Variants in ARNT observed in about 807,000 individuals in gnomAD.
ARNT encodes aryl hydrocarbon receptor nuclear translocator, also known as class E basic helix-loop-helix protein 2.
In ARNT, 30 loss-of-function variants were observed where a neutral mutation model predicts 105.0. The ratio of observed to expected loss-of-function variants is 0.29; its 90% CI spans 0.21 to 0.39. The LOEUF (loss-of-function observed/expected upper bound fraction) is 0.39. ARNT is among the 10% of genes least tolerant of loss of function. The probability of loss-of-function intolerance (pLI) is 1.00; values close to 1 mark genes in which losing one functional copy is unlikely to be tolerated. For synonymous variants in ARNT, 304 were observed against 344.0 expected (o/e 0.88, Z 1.29); for missense variants, 748 against 978.7 (o/e 0.76, Z 3.15).
chr1:150,830,063 T>C (rs1305055542), intron 10 of ARNT, 83 bp from the exon 11 acceptor site: 8 of 1,488,906 alleles, frequency 5.4e-6, no homozygotes, highest in Non-Finnish European at 7.4e-6. Context: ...AGATTCAAAA[T>C]AGACCTATTT....
Position 150,814,242 on chromosome 1 carries a change from A to G in ARNT, c.1951-3T>C, listed in dbSNP as rs587687377. 3 of 1,613,926 alleles carry G rather than the reference A, an allele frequency of 1.9e-6. No homozygotes were observed. In the South Asian group the frequency reaches 3.3e-5, roughly 18 times the overall value. On this transcript the variant is annotated splice_region_variant and splice_polypyrimidine_tract_variant and intron_variant, in intron 19 of 21. Transcript: ENST00000358595. ...GCAGTAGCCTGGGTAGCCACCTGCT[A>G]AAGAGAGATGGAGAGGGGATATAGA...
At chr1:150,844,037 G>A (rs1355509376) in intron 4 of ARNT, among the ~76,000 whole-genome samples, 1 of 152,104 alleles carries the variant, frequency 6.6e-6, no homozygotes. Flanking sequence ...AATCATTCAT[G>A]CGATGTTTTC....
chr1:150,875,847 T>G (rs587736738), intron 1 of ARNT, among the ~76,000 whole-genome samples: 89 of 152,206 alleles, frequency 5.8e-4, no homozygotes, highest in African/African-American at 2.1e-3. Flanking sequence ...CCTAACAAGA[T>G]TTAAACCTGG....
chr1:150,852,367 C>T (rs1663788260), intron 3 of ARNT, among the ~76,000 whole-genome samples: 1 of 152,190 alleles, frequency 6.6e-6, no homozygotes, highest in South Asian at 2.1e-4. Flanking sequence ...TAAAAAAACA[C>T]ATAGACAGAA....
intron 13 of ARNT, 96 bp from the exon 14 acceptor site, chr1:150,823,441 G>C (rs1021009857): frequency 8.1e-7 from 1 of 1,235,400 alleles, no homozygotes; most frequent in African/African-American, 1.5e-5. Context: ...TAAAACTCTT[G>C]TCATTGTCCT....
At chr1:150,838,590 C>T (rs908407365) in intron 6 of ARNT, among the ~76,000 whole-genome samples, 1 of 151,944 alleles carries the variant, frequency 6.6e-6, no homozygotes, top group Non-Finnish European at 1.5e-5. Context: ...AAACTATATT[C>T]TCTCCTTCTT....
chr1:150,818,886 A>G (rs1656498385), intron 14 of ARNT, among the ~76,000 whole-genome samples: 1 of 152,206 alleles, frequency 6.6e-6, no homozygotes, highest in Non-Finnish European at 1.5e-5. Flanking sequence ...TTAAAAATTT[A>G]AACAAAATGG....
rs1571145599 is a variant in ARNT at position 150,811,488 on chromosome 1, ACTCT to A, written c.*529_*532del. The A allele has an allele frequency of 2.6e-5, 6 of 233,248 alleles. No individual in the cohort carries two copies. The highest frequency in any genetic ancestry group is 1.2e-4 in the East Asian group (2 of 16,710). The allele number at this position is 233,248 out of a possible 1,614,324, so 14.4% of individuals were successfully genotyped here. A position where few individuals can be genotyped will look rare whatever the true frequency, so the allele number is the denominator to read the frequency against. ...CACACACACACACACATACACACAC[ACTCT>A]CTCTCACTTACTCACATGTTTCTTT... is the stretch of plus-strand genomic sequence containing the variant. On this transcript the variant is annotated 3_prime_UTR_variant, in exon 22 of 22. Transcript: ENST00000358595.
At chr1:150,839,416 T>A in intron 6 of ARNT, 25 bp downstream of exon 6, 1 of 1,613,202 alleles carries the variant, frequency 6.2e-7, no homozygotes, top group Non-Finnish European at 8.5e-7. Flanking sequence ...TTCCAGACTC[T>A]CTCAGAACTA....
At chr1:150,819,477 G>A (rs1017873539) in intron 14 of ARNT, among the ~76,000 whole-genome samples, 1 of 152,072 alleles carries the variant, frequency 6.6e-6, no homozygotes, top group African/African-American at 2.4e-5. Context: ...TTTTACATAT[G>A]GAAGCATTTT....
chr1:150,847,083 G>A (rs1309002236), intron 3 of ARNT, among the ~76,000 whole-genome samples: 1 of 152,142 alleles, frequency 6.6e-6, no homozygotes, highest in Non-Finnish European at 1.5e-5. Context: ...ACATGAGTGT[G>A]CAAATATCTC....
intron 1 of ARNT, among the ~76,000 whole-genome samples, chr1:150,866,139 C>A (rs145281849): frequency 6.6e-6 from 1 of 152,076 alleles, no homozygotes; most frequent in Non-Finnish European, 1.5e-5. Context: ...CACACCACCA[C>A]GTCCAACTAA....
intron 13 of ARNT, among the ~76,000 whole-genome samples, chr1:150,823,697 C>T (rs1233889304): frequency 6.6e-6 from 1 of 151,992 alleles, no homozygotes; most frequent in Non-Finnish European, 1.5e-5. Flanking sequence ...ACTACAGGCG[C>T]GTGCCACCAC....
At chr1:150,828,298 T>C (rs190247486) in intron 12 of ARNT, among the ~76,000 whole-genome samples, 4 of 151,682 alleles carry the variant, frequency 2.6e-5, no homozygotes, top group East Asian at 1.9e-4. Flanking sequence ...TTTTTGTAAA[T>C]TGTATGAGGT....
chr1:150,823,099 C>A, intron 14 of ARNT, 95 bp downstream of exon 14: 1 of 1,268,236 alleles, frequency 7.9e-7, no homozygotes, highest in Non-Finnish European at 1.0e-6. Context: ...TGTGTTGTTG[C>A]TTGATTGTTT....
chr1:150,851,429 T>C (rs1663514758), intron 3 of ARNT, among the ~76,000 whole-genome samples: 1 of 152,186 alleles, frequency 6.6e-6, no homozygotes, highest in Admixed American at 6.5e-5. Context: ...GGGGGAAATG[T>C]GGGGAAAAGA....
intron 2 of ARNT, chr1:150,853,205 C>T (rs746608018): frequency 2.2e-5 from 7 of 312,936 alleles, no homozygotes; most frequent in East Asian, 1.1e-4. Context: ...TGCTGGAACC[C>T]GGGAGGTGGA....
At position 150,811,825 on chromosome 1, in the gene ARNT, T is replaced by C. The variant is rs1654787415; in HGVS notation, c.*196A>G. 1 of 387,546 alleles carries C rather than the reference T, an allele frequency of 2.6e-6. No homozygotes were observed. Among genetic ancestry groups the C allele is most frequent in the African/African-American group, 2.1e-5 (1 of 48,280 alleles). 24.0% of individuals were successfully genotyped at this position (387,546 alleles called of 1,614,324 possible). On this transcript the variant is annotated 3_prime_UTR_variant, in exon 22 of 22. Transcript: ENST00000358595. ...CAGACAGTCCTAAAAGCCTTGGAGA[T>C]TCATTCCATTTCTTCTATAAATGTT...
intron 10 of ARNT, chr1:150,831,574 TA>T: frequency 2.2e-6 from 1 of 457,560 alleles, no homozygotes. Context: ...TTTGTTCACA[TA>T]AAAACCACAT....
Sources: gnomAD v4.1 joint callset for allele counts (sites outside exome capture counted in the v4.1 genomes callset) on GRCh38, gnomAD v4.1.1 for gene constraint, MANE v1.5 for transcripts, NCBI Gene and HGNC (gene_info 2026-07-23, HGNC 2026-07-21) for gene names.